Variants in DAGLA observed in about 807,000 individuals in gnomAD.
The protein encoded by DAGLA is diacylglycerol lipase alpha.
A neutral mutation model predicts 102.6 loss-of-function variants in DAGLA; 22 were observed. That is an observed-to-expected ratio of 0.21 (90% confidence interval 0.15 to 0.31). DAGLA has a LOEUF of 0.31. DAGLA is among the 10% of genes least tolerant of loss of function. DAGLA has a pLI of 1.00. For missense variants in DAGLA, 927 were observed against 1,446.6 expected (o/e 0.64, Z 5.83); for synonymous variants, 578 against 628.9 (o/e 0.92, Z 1.21).
intron 9 of DAGLA, among the ~76,000 whole-genome samples, chr11:61,732,937 C>T (rs1447890438): frequency 2.0e-5 from 3 of 152,124 alleles, no homozygotes; most frequent in African/African-American, 7.2e-5. Flanking sequence ...CTGGATGAGC[C>T]CCAGGGCCCT....
chr11:61,731,892 A>C (rs1250058057), intron 9 of DAGLA, among the ~76,000 whole-genome samples: 1 of 152,032 alleles, frequency 6.6e-6, no homozygotes, highest in African/African-American at 2.4e-5. Flanking sequence ...CTGCCTTTCT[A>C]GAAGAAAGGA....
chr11:61,732,641 G>A (rs1041833282), intron 9 of DAGLA, among the ~76,000 whole-genome samples: 3 of 152,172 alleles, frequency 2.0e-5, no homozygotes, highest in African/African-American at 7.2e-5. Flanking sequence ...TTTGTATTAG[G>A]TGCCTTAGTG....
chr11:61,739,569 C>T lies in DAGLA; in HGVS notation c.1761C>T (p.Ser587=), dbSNP rs749293742. ...GCACGCGGCTCTGGACCCACCCCAG[C>T]GACCTAACTATAGCCCTCTCAGCCA... ...LASTRLWTHP[S]DLTIALSAST... Residue 587 remains serine (S), a synonymous_variant, in exon 17 of 20, where the codon AGC becomes AGT. Transcript: ENST00000257215. The T allele has an allele frequency of 1.8e-5, 29 of 1,613,912 alleles. No individual in the cohort carries two copies. Among genetic ancestry groups the T allele is most frequent in the East Asian group, 6.7e-5 (3 of 44,878 alleles).
At chr11:61,708,044 A>G (rs895775372) in intron 1 of DAGLA, among the ~76,000 whole-genome samples, 2 of 152,036 alleles carry the variant, frequency 1.3e-5, no homozygotes, top group Non-Finnish European at 2.9e-5. Flanking sequence ...GTCTTGCTCT[A>G]TTGCCCAGGC....
intron 5 of DAGLA, among the ~76,000 whole-genome samples, chr11:61,724,916 G>A (rs563627476): frequency 2.0e-5 from 3 of 152,072 alleles, no homozygotes; most frequent in Non-Finnish European, 4.4e-5. Context: ...CCTGCCTCCC[G>A]TAGCCCTGGA....
intron 1 of DAGLA, 49 bp from the exon 2 acceptor site, chr11:61,720,063 G>T: frequency 7.6e-7 from 1 of 1,314,596 alleles, no homozygotes; most frequent in Admixed American, 1.8e-5. Flanking sequence ...AGTGGCCCTG[G>T]GTGCCTTCAC....
intron 3 of DAGLA, 125 bp from the exon 4 acceptor site, chr11:61,722,734 T>C (rs559822947): frequency 1.3e-6 from 1 of 771,632 alleles, no homozygotes; most frequent in East Asian, 2.5e-5. Context: ...AATGGCCCGC[T>C]GCCTCTGCCT....
chr11:61,735,437 GC>G, intron 10 of DAGLA, 123 bp from the exon 11 acceptor site: 1 of 822,320 alleles, frequency 1.2e-6, no homozygotes, highest in South Asian at 1.7e-5. Context: ...AGCCTTTCTG[GC>G]GGCAGAGGCT....
At chr11:61,715,271 A>G (rs2065227542) in intron 1 of DAGLA, among the ~76,000 whole-genome samples, 1 of 152,034 alleles carries the variant, frequency 6.6e-6, no homozygotes, top group Admixed American at 6.6e-5. Flanking sequence ...TGTCAGATGG[A>G]TCCCTATGGC....
At chr11:61,743,007 C>G (rs539813795) in intron 19 of DAGLA, among the ~76,000 whole-genome samples, 2 of 152,220 alleles carry the variant, frequency 1.3e-5, no homozygotes, top group Non-Finnish European at 2.9e-5. Context: ...AGGGACCCCG[C>G]GGCTCAACCC....
chr11:61,740,391 C>T, intron 17 of DAGLA, 72 bp from the exon 18 acceptor site: 1 of 1,564,444 alleles, frequency 6.4e-7, no homozygotes. Flanking sequence ...GAGAACAGAG[C>T]CAGGAGGCCC....
At chr11:61,741,420 T>G (rs569097417) in intron 19 of DAGLA, 71 bp downstream of exon 19, 3 of 1,479,098 alleles carry the variant, frequency 2.0e-6, no homozygotes, top group Non-Finnish European at 2.7e-6. Context: ...TGTGTGCACA[T>G]GCATTTTGTG....
chr11:61,725,478 A>G (rs765583903), intron 5 of DAGLA, among the ~76,000 whole-genome samples: 1 of 152,192 alleles, frequency 6.6e-6, no homozygotes, highest in Non-Finnish European at 1.5e-5. Flanking sequence ...ATTTCCTGTA[A>G]GTAGAGTATG....
chr11:61,706,835 A>C (rs1403048841), intron 1 of DAGLA, among the ~76,000 whole-genome samples: 1 of 152,096 alleles, frequency 6.6e-6, no homozygotes, highest in Non-Finnish European at 1.5e-5. Flanking sequence ...ACGAGGTGCC[A>C]CTTTCTGCCT....
chr11:61,720,355 C>G lies in DAGLA; in HGVS notation c.95+105C>G, dbSNP rs2065271547. ...CCCTGCTTGGGCCCAAGTCCCAACCCTGTCATGCCCCCAGCTGCCCGGAGG... is the reference window on the plus strand; with the variant it reads ...CCCTGCTTGGGCCCAAGTCCCAACCGTGTCATGCCCCCAGCTGCCCGGAGG... On this transcript the variant is annotated intron_variant, in intron 2 of 19. Transcript: ENST00000257215. 6.1e-6 allele frequency: 7 copies of G among 1,141,598 alleles called. No homozygotes were observed. In the Admixed American group the frequency reaches 1.3e-4, roughly 22 times the overall value. The allele number at this position is 1,141,598 out of a possible 1,614,324, so 70.7% of individuals were successfully genotyped here.
chr11:61,714,880 G>A (rs1264749159), intron 1 of DAGLA, among the ~76,000 whole-genome samples: 2 of 152,182 alleles, frequency 1.3e-5, no homozygotes, highest in Non-Finnish European at 2.9e-5. Context: ...ATGGTGTCAG[G>A]CAGTCTCTGC....
At chr11:61,735,260 C>T (rs1436925000) in intron 10 of DAGLA, among the ~76,000 whole-genome samples, 1 of 152,198 alleles carries the variant, frequency 6.6e-6, no homozygotes, top group Non-Finnish European at 1.5e-5. Flanking sequence ...AGCCCTAGCC[C>T]TTTAGGGAAA....
intron 1 of DAGLA, among the ~76,000 whole-genome samples, chr11:61,716,767 A>C (rs1006271810): frequency 6.6e-6 from 1 of 152,146 alleles, no homozygotes; most frequent in Admixed American, 6.5e-5. Flanking sequence ...TTTTAAAAAG[A>C]GTTTGCATTT....
chr11:61,700,582 C>T (rs926128063), intron 1 of DAGLA, among the ~76,000 whole-genome samples: 4 of 152,192 alleles, frequency 2.6e-5, no homozygotes, highest in Non-Finnish European at 4.4e-5. Flanking sequence ...CCAAGGGGAA[C>T]AGATTAGATA....
Sources: allele counts gnomAD v4.1 joint callset (sites outside exome capture counted in the v4.1 genomes callset), GRCh38; gene constraint gnomAD v4.1.1; transcripts MANE v1.5; gene names NCBI Gene and HGNC (gene_info 2026-07-23, HGNC 2026-07-21).